Variants in PDE1A observed in about 807,000 individuals in gnomAD.
The protein encoded by PDE1A is phosphodiesterase 1A, also known as dual specificity calcium/calmodulin-dependent 3',5'-cyclic nucleotide phosphodiesterase 1A.
A neutral mutation model predicts 61.7 loss-of-function variants in PDE1A; 35 were observed. That is an observed-to-expected ratio of 0.57 (90% CI 0.43 to 0.75). The LOEUF (loss-of-function observed/expected upper bound fraction) is 0.75. PDE1A is among the 30% of genes least tolerant of loss of function. The pLI is 0.00. For synonymous variants in PDE1A, 232 were observed against 213.2 expected, an observed-to-expected ratio of 1.09 and a Z score of -0.77; for missense variants, 597 against 630.6, an observed-to-expected ratio of 0.95 and a Z score of 0.57.
At chr2:182,253,104 A>C (rs561062705) in intron 2 of PDE1A, among the ~76,000 whole-genome samples, 1 of 152,288 alleles carries the variant, frequency 6.6e-6, no homozygotes, top group African/African-American at 2.4e-5. Flanking sequence ...TAGATTATGA[A>C]TTATTAGTGG....
At chr2:182,236,909 T>C (rs548204820) in intron 3 of PDE1A, among the ~76,000 whole-genome samples, 16 of 152,316 alleles carry the variant, frequency 1.1e-4, no homozygotes, top group African/African-American at 3.6e-4. Context: ...CCCATTATCA[T>C]ACTTTTCTAA....
At chr2:182,322,605 T>G (rs529091513) in intron 1 of PDE1A, among the ~76,000 whole-genome samples, 1 of 152,308 alleles carries the variant, frequency 6.6e-6, no homozygotes, top group South Asian at 2.1e-4. Context: ...CATAGCAGTA[T>G]GAAAATAAAC....
intron 2 of PDE1A, among the ~76,000 whole-genome samples, chr2:182,490,899 G>A (rs1300625236): frequency 6.6e-6 from 1 of 152,134 alleles, no homozygotes; most frequent in Non-Finnish European, 1.5e-5. Flanking sequence ...GAAGAGATAT[G>A]TGGGGCTGTA....
chr2:182,225,406 T>A (rs1689064639), intron 6 of PDE1A, among the ~76,000 whole-genome samples: 1 of 151,916 alleles, frequency 6.6e-6, no homozygotes, highest in Non-Finnish European at 1.5e-5. Flanking sequence ...AATTGTTGAA[T>A]CTCATAGGTA....
chr2:182,553,390 C>T, the PDE1A span, among the ~76,000 whole-genome samples: 343 of 152,290 alleles, frequency 2.3e-3, 2 homozygotes, highest in African/African-American at 7.0e-3. Flanking sequence ...ACCACTACAA[C>T]GGCTGATATT....
At chr2:182,539,499 C>T in the PDE1A span, among the ~76,000 whole-genome samples, 1 of 152,206 alleles carries the variant, frequency 6.6e-6, no homozygotes, top group African/African-American at 2.4e-5. Flanking sequence ...ACTCCACTAG[C>T]TTTCAAAGCA....
chr2:182,517,704 A>C (rs947793823), intron 2 of PDE1A, among the ~76,000 whole-genome samples: 1 of 152,210 alleles, frequency 6.6e-6, no homozygotes, highest in African/African-American at 2.4e-5. Context: ...TTTAAGCAGC[A>C]ATCTTTGCAC....
At chr2:182,648,277 G>C in the PDE1A span, among the ~76,000 whole-genome samples, 1 of 151,944 alleles carries the variant, frequency 6.6e-6, no homozygotes, top group South Asian at 2.1e-4. Flanking sequence ...TTCTTAATAA[G>C]ACGGTCCAGT....
At chr2:182,168,153 G>C in exon 14 of PDE1A, 1 of 1,531,520 alleles carries the variant, frequency 6.5e-7, no homozygotes, top group Non-Finnish European at 8.7e-7. Context: ...TCTCACACAG[G>C]ACAGGGTAGA....
At chr2:182,191,701 C>CTT (rs11314814) in intron 10 of PDE1A, among the ~76,000 whole-genome samples, 3 of 139,364 alleles carry the variant, frequency 2.2e-5, no homozygotes, top group Non-Finnish European at 3.1e-5. Context: ...CTATATTTAA[C>CTT]TTTTTTTTTT....
chr2:182,402,238 A>T (rs11681511), intron 1 of PDE1A, among the ~76,000 whole-genome samples: 2 of 151,990 alleles, frequency 1.3e-5, no homozygotes, highest in African/African-American at 4.8e-5. Flanking sequence ...GCAAAAAGAA[A>T]AAAGCTGGAG....
upstream of PDE1A, among the ~76,000 whole-genome samples, chr2:182,526,422 G>T (rs990167539): frequency 9.2e-5 from 14 of 152,130 alleles, no homozygotes; most frequent in Non-Finnish European, 1.9e-4. Context: ...GTTTGGGTCT[G>T]TACAGTATGA....
the PDE1A span, among the ~76,000 whole-genome samples, chr2:182,561,899 T>C: frequency 1.3e-5 from 2 of 152,160 alleles, no homozygotes; most frequent in Non-Finnish European, 1.5e-5. Context: ...TTTTTGTACA[T>C]TGATTTTGTA....
At chr2:182,594,733 T>C in the PDE1A span, among the ~76,000 whole-genome samples, 1 of 152,190 alleles carries the variant, frequency 6.6e-6, no homozygotes, top group Non-Finnish European at 1.5e-5. Flanking sequence ...AACAGCAGGA[T>C]TTTTTAAAAG....
chr2:182,453,295 T>C (rs1316849581), intron 2 of PDE1A, among the ~76,000 whole-genome samples: 1 of 152,012 alleles, frequency 6.6e-6, no homozygotes, highest in Non-Finnish European at 1.5e-5. Context: ...CTCAAAAAGC[T>C]TTTTGGGATA....
chr2:182,189,604 C>G (rs544286323), intron 10 of PDE1A, among the ~76,000 whole-genome samples: 1 of 151,978 alleles, frequency 6.6e-6, no homozygotes, highest in East Asian at 1.9e-4. Context: ...TGTGCATAAA[C>G]TTATTTTAAT....
At chr2:182,265,731 G>A (rs1261674544) in intron 1 of PDE1A, among the ~76,000 whole-genome samples, 3 of 152,108 alleles carry the variant, frequency 2.0e-5, no homozygotes, top group Non-Finnish European at 2.9e-5. Context: ...TGTAAGCTGC[G>A]TGTTTCTGAA....
At chr2:182,145,259 A>G (rs193157546), downstream of PDE1A, among the ~76,000 whole-genome samples, 129 of 152,298 alleles carry the variant, frequency 8.5e-4, 1 homozygote, top group Non-Finnish European at 1.9e-4. Flanking sequence ...AACATATAAA[A>G]TTTATAAGGT....
chr2:182,238,881 C>G (rs1690276611), intron 3 of PDE1A, among the ~76,000 whole-genome samples: 1 of 152,146 alleles, frequency 6.6e-6, no homozygotes, highest in African/African-American at 2.4e-5. Context: ...TCTTCCTCCA[C>G]AGTTTACATT....
Sources: gnomAD v4.1 joint callset for allele counts (sites outside exome capture counted in the v4.1 genomes callset) on GRCh38, gnomAD v4.1.1 for gene constraint, MANE v1.5 for transcripts, NCBI Gene and HGNC (gene_info 2026-07-23, HGNC 2026-07-21) for gene names.